Variants in ANKIB1 observed in about 807,000 individuals in gnomAD.
ANKIB1 encodes the protein ankyrin repeat and IBR domain-containing protein 1.
In ANKIB1, 43 loss-of-function variants were observed where a neutral mutation model predicts 122.1. The observed-to-expected ratio is 0.35, with a 90% confidence interval of 0.28 to 0.45. The LOEUF is 0.45. Among genes scored for constraint, ANKIB1 ranks in the 20% least tolerant of loss-of-function variants. ANKIB1 has a pLI of 1.00. For missense variants in ANKIB1, 992 were observed against 1,329.5 expected (o/e 0.75, Z 3.95); for synonymous variants, 390 against 442.0 (o/e 0.88, Z 1.48).
intron 3 of ANKIB1, among the ~76,000 whole-genome samples, 192 bp from the exon 4 acceptor site, chr7:92,319,138 A>G (rs746769365): frequency 2.6e-5 from 4 of 152,226 alleles, no homozygotes; most frequent in Non-Finnish European, 5.9e-5. Context: ...CTGAAAAACA[A>G]GAATTACTAA....
chr7:92,346,739 T>G (rs1803548881), intron 7 of ANKIB1, among the ~76,000 whole-genome samples: 2 of 152,192 alleles, frequency 1.3e-5, no homozygotes, highest in South Asian at 4.1e-4. Context: ...GCTGTTGGTC[T>G]TGGTGTGTAT....
intron 10 of ANKIB1, among the ~76,000 whole-genome samples, chr7:92,367,526 A>T (rs1183096320): frequency 1.3e-5 from 2 of 152,204 alleles, no homozygotes; most frequent in African/African-American, 4.8e-5. Flanking sequence ...AAAATGGCAT[A>T]AGCATGTTTA....
chr7:92,385,743 A>T (rs1466111469), intron 11 of ANKIB1, among the ~76,000 whole-genome samples: 1 of 152,094 alleles, frequency 6.6e-6, no homozygotes, highest in Non-Finnish European at 1.5e-5. Context: ...GTGTGGGAGG[A>T]TGGGGGAAGG....
intron 1 of ANKIB1, among the ~76,000 whole-genome samples, chr7:92,268,626 C>G (rs1005597393): frequency 6.6e-6 from 1 of 152,090 alleles, no homozygotes; most frequent in African/African-American, 2.4e-5. Context: ...GAGGCATGCA[C>G]CAGCACACCT....
Position 92,350,932 on chromosome 7 carries a change from A to C in ANKIB1, c.1086-18A>C. 1 of 1,592,036 alleles carries C rather than the reference A, an allele frequency of 6.3e-7. No homozygotes were observed. The highest frequency in any genetic ancestry group is 8.5e-7 in the Non-Finnish European group (1 of 1,171,292). On this transcript the variant is annotated intron_variant, in intron 7 of 19. Transcript: ENST00000265742. Reference sequence around the variant, plus strand: ...TAATATCCTTGCTCGTTTGATGTGCATTGATCCATTTTAATAGGTTTTTGA... The same window carrying C: ...TAATATCCTTGCTCGTTTGATGTGCCTTGATCCATTTTAATAGGTTTTTGA...
At chr7:92,376,460 T>A (rs1424079760) in intron 11 of ANKIB1, among the ~76,000 whole-genome samples, 2 of 151,302 alleles carry the variant, frequency 1.3e-5, no homozygotes, top group African/African-American at 2.4e-5. Context: ...TTATTTTTTT[T>A]TTTTTTGAGA....
chr7:92,332,190 T>C (rs1803186536), intron 5 of ANKIB1, among the ~76,000 whole-genome samples: 2 of 152,198 alleles, frequency 1.3e-5, no homozygotes, highest in Non-Finnish European at 2.9e-5. Flanking sequence ...CTCTGTTGTT[T>C]AGGTGGTATC....
chr7:92,322,111 C>A (rs888193392), intron 4 of ANKIB1, among the ~76,000 whole-genome samples: 8 of 152,104 alleles, frequency 5.3e-5, no homozygotes, highest in African/African-American at 1.9e-4. Context: ...CATTATCTTG[C>A]GTCAAACAGA....
At chr7:92,371,164 G>A (rs1804242762) in intron 10 of ANKIB1, among the ~76,000 whole-genome samples, 1 of 144,760 alleles carries the variant, frequency 6.9e-6, no homozygotes, top group Non-Finnish European at 1.5e-5. Context: ...TTTAAATGGA[G>A]TAATATGTTG....
At chr7:92,246,561 T>C in intron 1 of ANKIB1, 42 bp downstream of exon 1, 1 of 512,810 alleles carries the variant, frequency 2.0e-6, no homozygotes, top group South Asian at 1.4e-5. Context: ...TGAGGCTGCC[T>C]CTACCCATTT....
At position 92,391,269 on chromosome 7, in the gene ANKIB1, A is replaced by C; in HGVS notation, c.2156A>C (p.Gln719Pro). 6.2e-7 allele frequency: 1 copy of C among 1,613,586 alleles called. No individual in the cohort carries two copies. The highest frequency in any genetic ancestry group is 8.5e-7 in the Non-Finnish European group (1 of 1,179,694). ...KIIKAACLVQ[Q>P]KRQEFLASVA... ...ATCAAAGCAGCATGCCTTGTACAGC[A>C]GAAGAGGCAAGAATTCCTGGCATCT... The change falls in exon 16 of 20, where the codon CAG (glutamine) becomes CCG (proline). Residue 719 changes from glutamine (Q) to proline (P), a missense_variant. Gln to Pro is a moderately conservative substitution (Grantham distance 76). Transcript: ENST00000265742.
Position 92,327,865 on chromosome 7 carries a change from C to G in ANKIB1, c.752C>G (p.Pro251Arg). 6.3e-7 allele frequency: 1 copy of G among 1,593,416 alleles called. No individual in the cohort carries two copies. The highest frequency in any genetic ancestry group is 8.5e-7 in the Non-Finnish European group (1 of 1,173,712). Residue 251 changes from proline to arginine, a missense_variant, in exon 5 of 20, where the codon CCT becomes CGT. Pro to Arg is a moderately radical substitution (Grantham distance 103, BLOSUM62 -2). This residue lies in a region of ANKIB1 where 521 missense variants were observed against 777.7 expected (regional missense o/e 0.67). Transcript: ENST00000265742. ...GAAACTGCAGACATGCTTCAGGCTC[C>G]TCTCTTTACTGCTGAAGCTTTACTT... The part of the protein sequence containing the change: ...IVETADMLQA[P>R]LFTAEALLRA...
intron 1 of ANKIB1, among the ~76,000 whole-genome samples, chr7:92,266,055 C>T (rs1801666414): frequency 6.6e-6 from 1 of 152,138 alleles, no homozygotes; most frequent in Non-Finnish European, 1.5e-5. Context: ...AGAGGACCTC[C>T]AACATTTAGA....
At chr7:92,354,619 A>T (rs1419272915) in intron 9 of ANKIB1, among the ~76,000 whole-genome samples, 1 of 152,172 alleles carries the variant, frequency 6.6e-6, no homozygotes, top group Non-Finnish European at 1.5e-5. Flanking sequence ...GTATTTATTA[A>T]GTTATAGGAT....
At chr7:92,304,823 A>G (rs561445385) in intron 2 of ANKIB1, among the ~76,000 whole-genome samples, 1 of 152,254 alleles carries the variant, frequency 6.6e-6, no homozygotes, top group South Asian at 2.1e-4. Context: ...TAGGGAAAAT[A>G]TATATTTTAA....
intron 5 of ANKIB1, among the ~76,000 whole-genome samples, chr7:92,333,545 CCT>C (rs1803223043): frequency 6.6e-6 from 1 of 152,134 alleles, no homozygotes; most frequent in Admixed American, 6.6e-5. Flanking sequence ...CGGTTTTCTA[CCT>C]CTCTTTATGG....
chr7:92,309,942 A>AAAAAAAAAAAAAAT (rs1335765681), intron 3 of ANKIB1, among the ~76,000 whole-genome samples: 2 of 91,790 alleles, frequency 2.2e-5, no homozygotes, highest in African/African-American at 9.7e-5. Context: ...AAAAAAAAAA[A>AAAAAAAAAAAAAAT]ATATATATAT....
At chr7:92,295,294 CAT>C (rs1802331095) in intron 2 of ANKIB1, 128 bp downstream of exon 2, 3 of 547,016 alleles carry the variant, frequency 5.5e-6, no homozygotes, top group Admixed American at 8.2e-5. Flanking sequence ...TATATACAAA[CAT>C]GTACATGTAA....
intron 1 of ANKIB1, among the ~76,000 whole-genome samples, chr7:92,264,708 A>G (rs1431658775): frequency 1.3e-5 from 2 of 152,042 alleles, no homozygotes; most frequent in African/African-American, 2.4e-5. Context: ...CACTGTGCCC[A>G]GCCTCATTTG....
Sources: gnomAD v4.1 joint callset for allele counts (sites outside exome capture counted in the v4.1 genomes callset) on GRCh38, gnomAD v4.1.1 for gene constraint, gnomAD v4.1.1 regional missense constraint, MANE v1.5 for transcripts, NCBI Gene and HGNC (gene_info 2026-07-23, HGNC 2026-07-21) for gene names.